The following HEXD variants were observed in gnomAD, a reference collection of about 807,000 sequenced individuals.
HEXD encodes hexosaminidase D, also known as N-acetyl-beta-galactosaminidase.
A neutral mutation model predicts 54.2 loss-of-function variants in HEXD; 47 were observed. The observed-to-expected ratio is 0.87, with a 90% CI of 0.69 to 1.11. The LOEUF (loss-of-function observed/expected upper bound fraction) is 1.11, where lower values mean the gene tolerates loss of function less well. Among genes scored for constraint, HEXD ranks in the 50% least tolerant of loss-of-function variants. The pLI, the probability that HEXD is intolerant of heterozygous loss-of-function variation, is 0.00. For missense variants in HEXD, 576 were observed against 649.2 expected (o/e 0.89, Z 1.23); for synonymous variants, 293 against 287.6 (o/e 1.02, Z -0.19).
Position 82,433,805 on chromosome 17 carries a change from C to A in HEXD, c.430C>A (p.His144Asn). Reference sequence around the variant, plus strand: ...GCTACACCCAGGCGCCCAGCGGCTGCACATCGGGTGTGATGAGGTGGGTAC... The same window carrying A: ...GCTACACCCAGGCGCCCAGCGGCTGAACATCGGGTGTGATGAGGTGGGTAC... ...LELHPGAQRL[H>N]IGCDEVYYLG... is the part of the protein sequence containing the mutation. The change falls in exon 5 of 13, where the codon CAC becomes AAC. Residue 144 changes from histidine (H) to asparagine (N), a missense_variant. Physicochemically the swap from His to Asn is moderately conservative, Grantham distance 68. Transcript: ENST00000327949. 6.2e-7 allele frequency: 1 copy of A among 1,612,728 alleles called. No individual in the cohort carries two copies. Among genetic ancestry groups the A allele is most frequent in the Non-Finnish European group, 8.5e-7 (1 of 1,179,618 alleles).
intron 11 of HEXD, 34 bp downstream of exon 11, chr17:82,441,300 GGGGGGCAGGCATGGGGCGGGTGCAGGTGA>G (rs768534312): frequency 6.3e-7 from 1 of 1,584,916 alleles, no homozygotes; most frequent in Non-Finnish European, 8.6e-7. Flanking sequence ...GTGTGGGTGA[GGGGGGCAGGCATGGGGCGGGTGCAGGTGA>G]GGGGGCAGGT....
intron 9 of HEXD, chr17:82,440,504 G>A (rs948449610): frequency 1.7e-5 from 6 of 362,502 alleles, no homozygotes; most frequent in South Asian, 2.4e-5. Context: ...TCCGCCACCC[G>A]TGACTGGGGC....
At chr17:82,440,221 C>G in intron 9 of HEXD, 1 of 1,289,468 alleles carries the variant, frequency 7.8e-7, no homozygotes, top group Non-Finnish European at 1.0e-6. Flanking sequence ...TGGAAACTCG[C>G]AGGCCACACG....
chr17:82,419,396 A>G (rs564988254), intron 1 of HEXD, among the ~76,000 whole-genome samples: 6 of 152,242 alleles, frequency 3.9e-5, no homozygotes, highest in Non-Finnish European at 1.5e-5. Context: ...GTGCGGCCTG[A>G]TAAGAAAATG....
Position 82,441,063 on chromosome 17 carries a change from C to T in HEXD, c.1049C>T (p.Thr350Met), listed in dbSNP as rs562417566. ...NLLGISSLEK[T>M]DPVREGAGSF... ...CTCGGGATTTCCAGCCTGGAAAAAA[C>T]GGACCCTGTTAGGCAAGCACCCTGC... is the stretch of plus-strand genomic sequence containing the variant. Residue 350 changes from threonine (T) to methionine (M), a missense_variant, in exon 10 of 13, where the codon ACG becomes ATG. Physicochemically the swap from Thr to Met is moderately conservative, Grantham distance 81. Transcript: ENST00000327949. 55 of 1,613,644 alleles carry T rather than the reference C, an allele frequency of 3.4e-5. No individual in the cohort carries two copies. Among genetic ancestry groups the T allele is most frequent in the South Asian group, 2.5e-4 (23 of 91,084 alleles).
At chr17:82,439,345 C>A in intron 8 of HEXD, 2 of 797,640 alleles carry the variant, frequency 2.5e-6, no homozygotes, top group Non-Finnish European at 3.0e-6. Flanking sequence ...GACCGGCCAC[C>A]CACCCAAGGT....
At chr17:82,433,126 ATATTTTTTTTTTTTT>A (rs1332974223) in intron 4 of HEXD, among the ~76,000 whole-genome samples, 439 of 13,504 alleles carry the variant, frequency 0.033, 56 homozygotes, top group East Asian at 0.12. Flanking sequence ...ATATATATAT[ATATTTTTTTTTTTTT>A]TTTATATATA....
rs982945791 is a variant in HEXD at position 82,428,592 on chromosome 17, G to A, written c.229G>A (p.Gly77Arg). The A allele has an allele frequency of 2.5e-6, 4 of 1,613,350 alleles. No homozygotes were observed. The African/African-American group carries it at 5.3e-5, about 22-fold the overall frequency. ...AATCAAAGAGATCTTGCATCTGGCT[G>A]GACTCAATGAGCTGGAGGTGATTCC... ...SEIKEILHLA[G>R]LNELEVIPLV... The change falls in exon 4 of 13, where the codon GGA (glycine) becomes AGA (arginine). Residue 77 changes from glycine (G) to arginine (R), a missense_variant. Transcript: ENST00000327949.
intron 4 of HEXD, among the ~76,000 whole-genome samples, chr17:82,430,724 C>T (rs756822684): frequency 6.6e-6 from 1 of 152,072 alleles, no homozygotes; most frequent in Non-Finnish European, 1.5e-5. Context: ...AATAACTGCT[C>T]AGGTGTTTTG....
intron 4 of HEXD, 82 bp from the exon 5 acceptor site, chr17:82,433,576 T>C: frequency 2.9e-6 from 4 of 1,390,278 alleles, no homozygotes; most frequent in Non-Finnish European, 3.8e-6. Context: ...ATCTGTAGAT[T>C]TGAAACAGAA....
intron 4 of HEXD, among the ~76,000 whole-genome samples, chr17:82,431,760 A>G (rs1236166069): frequency 6.6e-6 from 1 of 152,108 alleles, no homozygotes; most frequent in African/African-American, 2.4e-5. Context: ...TTCTTGAAAT[A>G]TTTGATAAAT....
chr17:82,428,178 T>G (rs2053473185), intron 3 of HEXD: 1 of 162,052 alleles, frequency 6.2e-6, no homozygotes, highest in Non-Finnish European at 1.3e-5. Flanking sequence ...AGATACGGGG[T>G]TTCATCATGT....
chr17:82,418,357 A>C lies in HEXD; in HGVS notation c.-435A>C. 2.1e-6 allele frequency: 2 copies of C among 947,494 alleles called. No individual in the cohort carries two copies. Among genetic ancestry groups the C allele is most frequent in the Non-Finnish European group, 2.8e-6 (2 of 712,704 alleles). The allele number at this position is 947,494 out of a possible 1,614,324, so 58.7% of individuals were successfully genotyped here. A position where few individuals can be genotyped will look rare whatever the true frequency, so the allele number is the denominator to read the frequency against. ...CGCCCCATCAGCCCCAGTCCCGCCCACTCCATGGCCCTGTCCGCCGCCGCA... is the reference window on the plus strand; with the variant it reads ...CGCCCCATCAGCCCCAGTCCCGCCCCCTCCATGGCCCTGTCCGCCGCCGCA... On this transcript the variant is annotated 5_prime_UTR_variant, in exon 1 of 13. Coordinates refer to ENST00000327949, the MANE Select transcript of HEXD (RefSeq NM_001330542.2).
chr17:82,440,126 G>T, intron 9 of HEXD: 2 of 1,294,404 alleles, frequency 1.5e-6, no homozygotes, highest in Non-Finnish European at 2.0e-6. Context: ...GGTCTCCTGA[G>T]GGAGCAGCGG....
At position 82,441,851 on chromosome 17, in the gene HEXD, C is replaced by T. The variant is rs979612806; in HGVS notation, c.1215C>T (p.His405=). 3.1e-6 allele frequency: 5 copies of T among 1,613,342 alleles called. No individual in the cohort carries two copies. The highest frequency in any genetic ancestry group is 1.1e-5 in the South Asian group (1 of 91,084). Residue 405 remains histidine (H), a synonymous_variant, in exon 12 of 13, where the codon CAC becomes CAT. Coordinates refer to ENST00000327949, the MANE Select transcript of HEXD (RefSeq NM_001330542.2). ...ACCACCGCCAGCGGAAGCTCATCCA[C>T]CCGGTCATGGTTCAGCACATCCAGC... The part of the protein sequence containing the change: ...SPYHRQRKLI[H]PVMVQHIQPA...
intron 6 of HEXD, among the ~76,000 whole-genome samples, chr17:82,436,287 CA>C (rs1313238346): frequency 1.3e-5 from 2 of 152,380 alleles, no homozygotes; most frequent in East Asian, 3.9e-4. Context: ...TGGTTCCACA[CA>C]GAGCCCCGAG....
rs2053929758 is a variant in HEXD at position 82,441,013 on chromosome 17, T to C, written c.999T>C (p.Asp333=). ...QLLLRGGFDE[D]VKAKVENLLG... ...TGATTTCAGGAGGATTTGATGAAGA[T>C]GTTAAAGCGAAAGTGGAGAACCTTC... Residue 333 remains aspartate, a synonymous_variant, in exon 10 of 13, where the codon GAT becomes GAC. Transcript: ENST00000327949. The C allele has an allele frequency of 1.9e-6, 3 of 1,613,336 alleles. No individual in the cohort carries two copies.
chr17:82,420,725 G>A (rs1470431009), intron 2 of HEXD, among the ~76,000 whole-genome samples: 1 of 152,088 alleles, frequency 6.6e-6, no homozygotes, highest in Admixed American at 6.6e-5. Context: ...CTGCCACCAT[G>A]CCTGGCTAAT....
chr17:82,424,532 C>A, intron 3 of HEXD, 29 bp downstream of exon 3: 1 of 1,532,304 alleles, frequency 6.5e-7, no homozygotes. Flanking sequence ...GGTACAGGGG[C>A]GCGGCGTGAA....
Sources: gnomAD v4.1 joint callset for allele counts (sites outside exome capture counted in the v4.1 genomes callset) on GRCh38, gnomAD v4.1.1 for gene constraint, MANE v1.5 for transcripts, NCBI Gene and HGNC (gene_info 2026-07-23, HGNC 2026-07-21) for gene names.